SOBP: variants seen among roughly 807,000 people sequenced by gnomAD.
SOBP encodes sine oculis-binding protein homolog.
SOBP carries 4 observed loss-of-function variants against 53.6 expected under a neutral mutation model. The ratio of observed to expected loss-of-function variants is 0.07; its 90% confidence interval spans 0.04 to 0.17. SOBP has a LOEUF of 0.17. SOBP is among the 10% of genes least tolerant of loss of function. SOBP has a pLI of 1.00. For missense variants in SOBP, 1,088 were observed against 1,204.7 expected, an observed-to-expected ratio of 0.90 and a Z score of 1.43; for synonymous variants, 584 against 522.6, an observed-to-expected ratio of 1.12 and a Z score of -1.60.
chr6:107,500,252 G>A (rs1485868265), intron 1 of SOBP, among the ~76,000 whole-genome samples: 1 of 151,858 alleles, frequency 6.6e-6, no homozygotes, highest in Non-Finnish European at 1.5e-5. Flanking sequence ...AGCCGGGCAT[G>A]GTGGCTTGCG....
intron 5 of SOBP, among the ~76,000 whole-genome samples, chr6:107,590,657 C>G (rs1027224150): frequency 6.6e-6 from 1 of 152,118 alleles, no homozygotes; most frequent in Admixed American, 6.5e-5. Context: ...AAAATAGCAT[C>G]AGGGAAGAAT....
At chr6:107,524,153 T>G (rs1241882672) in intron 3 of SOBP, among the ~76,000 whole-genome samples, 4 of 152,248 alleles carry the variant, frequency 2.6e-5, no homozygotes. Context: ...CTTTATATGC[T>G]GCCACTTTTG....
At chr6:107,529,518 G>A (rs1783759337) in intron 3 of SOBP, 2 of 985,396 alleles carry the variant, frequency 2.0e-6, no homozygotes. Context: ...CTCAGTCTTG[G>A]ACTCCCATGA....
chr6:107,640,146 G>T lies in SOBP; in HGVS notation c.*3+4677G>T, dbSNP rs527399726. On this transcript the variant is annotated intron_variant, in intron 6 of 6. Coordinates refer to ENST00000317357, the MANE Select transcript of SOBP (RefSeq NM_018013.4). The stretch of plus-strand genomic sequence containing the variant: ...TCACTTCATTGGGGAAGCCAAAAGG[G>T]TGGAGGTCCCAAAAAGTTTTTTGCC... Among the ~76,000 whole-genome samples the T allele has an allele frequency of 4.6e-5, 7 of 152,298 alleles. No individual in the cohort carries two copies. In the East Asian group the frequency reaches 1.4e-3, roughly 29 times the overall value.
intron 5 of SOBP, among the ~76,000 whole-genome samples, chr6:107,600,885 G>A (rs1262035276): frequency 3.3e-5 from 5 of 152,050 alleles, no homozygotes; most frequent in African/African-American, 7.2e-5. Context: ...AAATGAACTC[G>A]ATTTTTACAG....
chr6:107,503,924 A>G, intron 2 of SOBP, 129 bp downstream of exon 2: 2 of 1,135,714 alleles, frequency 1.8e-6, no homozygotes, highest in East Asian at 2.4e-5. Context: ...TTAAACATAC[A>G]TCCCCAATAG....
intron 3 of SOBP, among the ~76,000 whole-genome samples, chr6:107,519,897 G>T (rs769961239): frequency 3.9e-5 from 6 of 152,154 alleles, no homozygotes; most frequent in Non-Finnish European, 8.8e-5. Flanking sequence ...CTTTGACTCA[G>T]ATTCTGTTTT....
At chr6:107,607,881 A>G (rs752761448) in intron 5 of SOBP, among the ~76,000 whole-genome samples, 1 of 152,206 alleles carries the variant, frequency 6.6e-6, no homozygotes, top group Non-Finnish European at 1.5e-5. Context: ...TGCTGGAGCT[A>G]TGGGCCTCTT....
At chr6:107,627,722 T>C (rs718192) in intron 5 of SOBP, among the ~76,000 whole-genome samples, 104 of 152,220 alleles carry the variant, frequency 6.8e-4, no homozygotes, top group Non-Finnish European at 1.3e-3. Flanking sequence ...GCAGAAAGTT[T>C]CTTGTTTTGA....
At chr6:107,516,766 A>T (rs976674020) in intron 3 of SOBP, among the ~76,000 whole-genome samples, 1 of 152,196 alleles carries the variant, frequency 6.6e-6, no homozygotes, top group Non-Finnish European at 1.5e-5. Context: ...TATAATTTAA[A>T]GTAGTATCAG....
chr6:107,494,844 T>C (rs754629497), intron 1 of SOBP, among the ~76,000 whole-genome samples: 7 of 152,232 alleles, frequency 4.6e-5, no homozygotes, highest in African/African-American at 7.2e-5. Flanking sequence ...CAAGATTTTC[T>C]AGTTTGTTTT....
chr6:107,521,133 G>A (rs2114970827), intron 3 of SOBP, among the ~76,000 whole-genome samples: 1 of 148,488 alleles, frequency 6.7e-6, no homozygotes, highest in Non-Finnish European at 1.5e-5. Context: ...GTCACACCCT[G>A]ATAAGAACCA....
intron 4 of SOBP, among the ~76,000 whole-genome samples, chr6:107,557,052 C>G (rs773984746): frequency 6.6e-6 from 1 of 152,174 alleles, no homozygotes; most frequent in African/African-American, 2.4e-5. Flanking sequence ...CTTAATCTCT[C>G]CTTTCTGATC....
Position 107,533,621 on chromosome 6 carries a change from C to G in SOBP, c.573+11C>G, listed in dbSNP as rs766875109. 3.1e-6 allele frequency: 5 copies of G among 1,613,774 alleles called. No individual in the cohort carries two copies. In the South Asian group the frequency reaches 4.4e-5, roughly 14 times the overall value. On this transcript the variant is annotated intron_variant, in intron 4 of 6. Transcript: ENST00000317357. ...TTCAAGAGAAATAAGGTAAGAGCAC[C>G]GGAGAGAGAGGCGGCCCCCCACAGG...
chr6:107,547,371 A>G (rs1057250271), intron 4 of SOBP, among the ~76,000 whole-genome samples: 1 of 152,208 alleles, frequency 6.6e-6, no homozygotes, highest in Non-Finnish European at 1.5e-5. Flanking sequence ...CATTAAAGAC[A>G]ATTTTTAAAA....
At chr6:107,526,509 G>T (rs968647656) in intron 3 of SOBP, among the ~76,000 whole-genome samples, 1 of 151,884 alleles carries the variant, frequency 6.6e-6, no homozygotes, top group Non-Finnish European at 1.5e-5. Context: ...TAACTTCCCC[G>T]CCTTCCAAAT....
In SOBP at chr6:107,533,571, C is replaced by T. The variant is rs747102442; in HGVS notation, c.534C>T (p.Cys178=). The change falls in exon 4 of 7, where the codon TGC becomes TGT. Residue 178 remains cysteine (C), a synonymous_variant. Coordinates refer to ENST00000317357, the MANE Select transcript of SOBP (RefSeq NM_018013.4). ...SEVKSFCSEK[C]FAACRRAYFK... is the part of the protein sequence containing the mutation. ...TGAAAAGCTTCTGCAGCGAGAAGTGCTTTGCGGCCTGCCGACGAGCCTACT... is the reference window on the plus strand; with the variant it reads ...TGAAAAGCTTCTGCAGCGAGAAGTGTTTTGCGGCCTGCCGACGAGCCTACT... The T allele has an allele frequency of 1.9e-6, 3 of 1,614,166 alleles. No individual in the cohort carries two copies. The highest frequency in any genetic ancestry group is 1.1e-5 in the South Asian group (1 of 91,082).
chr6:107,591,197 T>G (rs1442315496), intron 5 of SOBP, among the ~76,000 whole-genome samples: 1 of 152,210 alleles, frequency 6.6e-6, no homozygotes, highest in African/African-American at 2.4e-5. Flanking sequence ...TGGACCTCTC[T>G]GAGCTTCAGA....
intron 5 of SOBP, among the ~76,000 whole-genome samples, chr6:107,612,597 T>G (rs767193623): frequency 1.3e-5 from 2 of 152,200 alleles, no homozygotes; most frequent in Non-Finnish European, 2.9e-5. Context: ...TTTTTTTTAA[T>G]GTTGTAGTTA....
Sources: allele counts gnomAD v4.1 joint callset (sites outside exome capture counted in the v4.1 genomes callset), GRCh38; gene constraint gnomAD v4.1.1; transcripts MANE v1.5; gene names NCBI Gene and HGNC (gene_info 2026-07-23, HGNC 2026-07-21).